The following PRIM2 variants were observed in gnomAD, a reference collection of about 807,000 sequenced individuals.
PRIM2 encodes the protein DNA primase large subunit.
PRIM2 carries 39 observed loss-of-function variants against 67.3 expected under a neutral mutation model. The observed-to-expected ratio is 0.58, with a 90% CI of 0.45 to 0.76. The LOEUF (loss-of-function observed/expected upper bound fraction) is 0.76. Ranked by LOEUF, PRIM2 falls within the 30% of genes least tolerant of loss-of-function variation. The pLI is 0.00. For missense variants in PRIM2, 398 were observed against 598.7 expected, an observed-to-expected ratio of 0.66 and a Z score of 3.50; for synonymous variants, 143 against 198.7, an observed-to-expected ratio of 0.72 and a Z score of 2.36.
intron 7 of PRIM2, among the ~76,000 whole-genome samples, chr6:57,398,275 A>G (rs1239008673): frequency 1.3e-5 from 2 of 151,892 alleles, no homozygotes; most frequent in African/African-American, 2.4e-5. Flanking sequence ...CTAACTTTTT[A>G]TGTGGCTATT....
intron 7 of PRIM2, among the ~76,000 whole-genome samples, chr6:57,481,375 G>A (rs1233328475): frequency 6.6e-6 from 1 of 152,116 alleles, no homozygotes; most frequent in African/African-American, 2.4e-5. Context: ...AAGATTGGCT[G>A]TTTTGTTGTT....
chr6:57,606,281 T>G (rs1258501012), intron 11 of PRIM2, 94 bp from the exon 12 acceptor site: 3 of 925,794 alleles, frequency 3.2e-6, no homozygotes, highest in Non-Finnish European at 5.2e-6. Context: ...TGTTAGACAA[T>G]TAAGGGGAGC....
intron 10 of PRIM2, among the ~76,000 whole-genome samples, chr6:57,564,827 C>G (rs1775705956): frequency 6.6e-6 from 1 of 152,086 alleles, no homozygotes; most frequent in East Asian, 1.9e-4. Context: ...TTTAAAGGGC[C>G]AGATAGTAAA....
chr6:57,299,364 T>C, the PRIM2 span, among the ~76,000 whole-genome samples: 2 of 152,176 alleles, frequency 1.3e-5, no homozygotes, highest in African/African-American at 2.4e-5. Context: ...AAGGACATAT[T>C]CTCAGAAAAA....
chr6:57,242,216 C>T, the PRIM2 span, among the ~76,000 whole-genome samples: 1 of 152,040 alleles, frequency 6.6e-6, no homozygotes, highest in African/African-American at 2.4e-5. Flanking sequence ...TTCTTTCTTC[C>T]AGTATCTTTA....
At chr6:57,617,517 A>G (rs1349788943) in intron 12 of PRIM2, among the ~76,000 whole-genome samples, 1 of 152,304 alleles carries the variant, frequency 6.6e-6, no homozygotes, top group Admixed American at 6.5e-5. Flanking sequence ...AATGACGTTG[A>G]GCATCTTTTT....
chr6:57,235,391 GA>G, the PRIM2 span, among the ~76,000 whole-genome samples: 1 of 151,762 alleles, frequency 6.6e-6, no homozygotes, highest in Non-Finnish European at 1.5e-5. Flanking sequence ...TTGAACCCAG[GA>G]GGGGGAGATT....
intron 12 of PRIM2, among the ~76,000 whole-genome samples, chr6:57,620,847 A>G (rs1776839901): frequency 6.6e-6 from 1 of 152,292 alleles, no homozygotes; most frequent in African/African-American, 2.4e-5. Context: ...AACCTAACAC[A>G]TAAGGACTCA....
At chr6:57,584,043 T>G (rs1474247486) in intron 10 of PRIM2, among the ~76,000 whole-genome samples, 96 of 152,082 alleles carry the variant, frequency 6.3e-4, no homozygotes, top group African/African-American at 2.1e-3. Context: ...GTTACCCTGG[T>G]TTTTTTTGTT....
At chr6:57,409,335 C>T (rs1230738432) in intron 7 of PRIM2, among the ~76,000 whole-genome samples, 7 of 152,054 alleles carry the variant, frequency 4.6e-5, no homozygotes, top group South Asian at 2.1e-4. Flanking sequence ...ACCACCGCAC[C>T]GGCTAATTTT....
intron 5 of PRIM2, among the ~76,000 whole-genome samples, chr6:57,333,175 C>T (rs1768115269): frequency 6.6e-6 from 1 of 152,116 alleles, no homozygotes; most frequent in South Asian, 2.1e-4. Flanking sequence ...CTGCCATTGT[C>T]CTAGTATGGT....
At chr6:57,297,038 C>A in the PRIM2 span, among the ~76,000 whole-genome samples, 133 of 152,150 alleles carry the variant, frequency 8.7e-4, no homozygotes, top group Middle Eastern at 3.4e-3. Flanking sequence ...CATGAGTTCA[C>A]TGATACAAAC....
intron 10 of PRIM2, among the ~76,000 whole-genome samples, chr6:57,593,043 G>T (rs1317114686): frequency 4.6e-5 from 7 of 152,134 alleles, no homozygotes; most frequent in Admixed American, 2.0e-4. Flanking sequence ...ATAAAGGTGT[G>T]CCTGCTTTAC....
At position 57,645,331 on chromosome 6, in the gene PRIM2, A is replaced by T. The variant is rs1411092054; in HGVS notation, c.1300-597A>T. ...AACATACAATGTCATTCACACACAC[A>T]CACACACACACACACACACACACAC... On this transcript the variant is annotated intron_variant, in intron 13 of 13. Coordinates refer to ENST00000615550, the MANE Select transcript of PRIM2 (RefSeq NM_000947.5). Among the ~76,000 whole-genome samples the T allele has an allele frequency of 3.1e-4, 17 of 55,520 alleles. No individual in the cohort carries two copies. The East Asian group carries it at 8.5e-3, about 28-fold the overall frequency. The allele number at this position is 55,520 out of a possible 152,430, so 36.4% of individuals were successfully genotyped here. A position where few individuals can be genotyped will look rare whatever the true frequency, so the allele number is the denominator to read the frequency against.
chr6:57,392,314 A>C (rs9382722), intron 7 of PRIM2, among the ~76,000 whole-genome samples: 1 of 152,202 alleles, frequency 6.6e-6, no homozygotes, highest in South Asian at 2.1e-4. Context: ...CATCATCTGC[A>C]AACAGGGATA....
At chr6:57,369,563 C>G (rs1769475603) in intron 5 of PRIM2, among the ~76,000 whole-genome samples, 1 of 152,128 alleles carries the variant, frequency 6.6e-6, no homozygotes, top group African/African-American at 2.4e-5. Flanking sequence ...CTAGAATGTT[C>G]AGAGTCTCTG....
chr6:57,274,396 C>G, the PRIM2 span, among the ~76,000 whole-genome samples: 1 of 152,242 alleles, frequency 6.6e-6, no homozygotes, highest in Non-Finnish European at 1.5e-5. Context: ...TAGCAATGAG[C>G]AAGACTCCGT....
chr6:57,370,625 G>C (rs1769515409), intron 5 of PRIM2, among the ~76,000 whole-genome samples: 1 of 151,436 alleles, frequency 6.6e-6, no homozygotes, highest in South Asian at 2.1e-4. Context: ...GCATGATTTA[G>C]AGTGTGTTTG....
At chr6:57,481,001 GA>G (rs1773612370) in intron 7 of PRIM2, among the ~76,000 whole-genome samples, 1 of 152,066 alleles carries the variant, frequency 6.6e-6, no homozygotes, top group Non-Finnish European at 1.5e-5. Flanking sequence ...AAAAAATTTT[GA>G]AATAATCATA....
Sources: gnomAD v4.1 joint callset for allele counts (sites outside exome capture counted in the v4.1 genomes callset) on GRCh38, gnomAD v4.1.1 for gene constraint, MANE v1.5 for transcripts, NCBI Gene and HGNC (gene_info 2026-07-23, HGNC 2026-07-21) for gene names.